VRTN: variants seen among roughly 807,000 people sequenced by gnomAD.
VRTN encodes the protein vertnin.
A neutral mutation model predicts 18.2 loss-of-function variants in VRTN; 5 were observed. The ratio of observed to expected loss-of-function variants is 0.27; its 90% confidence interval spans 0.14 to 0.58. VRTN has a LOEUF of 0.58. VRTN is among the 20% of genes least tolerant of loss of function. VRTN has a pLI of 0.91. For synonymous variants in VRTN, 381 were observed against 393.7 expected (o/e 0.97, Z 0.38); for missense variants, 741 against 939.4 (o/e 0.79, Z 2.76).
At chr14:74,304,920 C>G (rs569794779) in intron 1 of VRTN, among the ~76,000 whole-genome samples, 11 of 152,326 alleles carry the variant, frequency 7.2e-5, no homozygotes, top group Non-Finnish European at 1.3e-4. Context: ...CGTCACCTCT[C>G]TAGGGTAATC....
rs533071273 is a variant in VRTN at position 74,318,675 on chromosome 14, G to A, written c.-164+15499G>A. On this transcript the variant is annotated intron_variant, in intron 1 of 2. Transcript: ENST00000557177. ...GATCCGCCCGCCTTGGCCTCCCAAAGTGCTGGGATTACAGGCGTGAGCCAC... is the reference window on the plus strand; with the variant it reads ...GATCCGCCCGCCTTGGCCTCCCAAAATGCTGGGATTACAGGCGTGAGCCAC... Among the ~76,000 whole-genome samples the A allele has an allele frequency of 3.3e-5, 5 of 150,650 alleles. No homozygotes were observed. The East Asian group carries it at 9.9e-4, about 30-fold the overall frequency.
intron 1 of VRTN, among the ~76,000 whole-genome samples, chr14:74,328,149 A>T (rs1225861281): frequency 1.3e-5 from 2 of 152,124 alleles, no homozygotes; most frequent in Non-Finnish European, 2.9e-5. Context: ...AGTACCTCCA[A>T]CTTCCTGGGT....
intron 1 of VRTN, chr14:74,303,246 A>T (rs1039755898): frequency 3.6e-6 from 1 of 279,572 alleles, no homozygotes; most frequent in Non-Finnish European, 6.6e-6. Flanking sequence ...CATGATCTTT[A>T]AAAAAGTATA....
At chr14:74,346,506 T>A (rs1305636821), upstream of VRTN, among the ~76,000 whole-genome samples, 37 of 152,054 alleles carry the variant, frequency 2.4e-4, 1 homozygote, top group Admixed American at 2.4e-3. Flanking sequence ...TTCTACCTTG[T>A]GGACTCAAGC....
At chr14:74,320,361 C>G (rs1354002709) in intron 1 of VRTN, among the ~76,000 whole-genome samples, 1 of 142,944 alleles carries the variant, frequency 7.0e-6, no homozygotes. Context: ...CCCGGGTTCA[C>G]GCCATTCTCC....
At chr14:74,341,949 C>T (rs1242024176) in intron 2 of VRTN, among the ~76,000 whole-genome samples, 1 of 151,170 alleles carries the variant, frequency 6.6e-6, no homozygotes, top group Non-Finnish European at 1.5e-5. Flanking sequence ...TGCTGGGAAA[C>T]TGGGATTTTG....
In VRTN at chr14:74,356,948, G is replaced by C; in HGVS notation, c.165G>C (p.Val55=). 6.2e-7 allele frequency: 1 copy of C among 1,614,074 alleles called. No individual in the cohort carries two copies. The highest frequency in any genetic ancestry group is 8.5e-7 in the Non-Finnish European group (1 of 1,179,992). ...TCREGGPGLQ[V]LEVDSVALSL... ...GGGAGGGAGGCCCTGGCCTCCAGGT[G>C]CTGGAAGTGGACTCGGTGGCCCTGA... Residue 55 remains valine, a synonymous_variant, in exon 2 of 2, where the codon GTG becomes GTC. Coordinates refer to ENST00000256362, the MANE Select transcript of VRTN (RefSeq NM_018228.3).
chr14:74,334,897 A>G (rs1296847754), intron 1 of VRTN, among the ~76,000 whole-genome samples: 1 of 152,168 alleles, frequency 6.6e-6, no homozygotes, highest in Non-Finnish European at 1.5e-5. Flanking sequence ...CAGTCTTCAC[A>G]TCACCATTGA....
rs1191327811 is a variant in VRTN at position 74,357,238 on chromosome 14, C to A, written c.455C>A (p.Thr152Lys). Residue 152 changes from threonine (T) to lysine (K), a missense_variant, in exon 2 of 2, where the codon ACG becomes AAG. Around this residue, in one of 3 missense-constraint regions of VRTN, gnomAD observed 186 missense variants for 288.3 expected, o/e 0.65. Transcript: ENST00000256362. This position sits in a 1 kb window ranked among gnomAD's most constrained non-coding sequence, Gnocchi z 7.8. ...GAGATGACCAGCTTGCCCCCCGCCACGCTGGAGGCCATCTTCGATGCCGAC... is the reference window on the plus strand; with the variant it reads ...GAGATGACCAGCTTGCCCCCCGCCAAGCTGGAGGCCATCTTCGATGCCGAC... ...SPEMTSLPPA[T>K]LEAIFDADVK... 6.2e-7 allele frequency: 1 copy of A among 1,613,322 alleles called. No homozygotes were observed. Among genetic ancestry groups the A allele is most frequent in the Non-Finnish European group, 8.5e-7 (1 of 1,179,866 alleles).
At chr14:74,318,444 A>G (rs1435573546) in intron 1 of VRTN, among the ~76,000 whole-genome samples, 1 of 151,886 alleles carries the variant, frequency 6.6e-6, no homozygotes, top group East Asian at 1.9e-4. Flanking sequence ...CTATTTTTGT[A>G]TTTTTAGTGG....
intron 1 of VRTN, among the ~76,000 whole-genome samples, chr14:74,337,071 G>A (rs2085569573): frequency 6.6e-6 from 1 of 152,172 alleles, no homozygotes; most frequent in African/African-American, 2.4e-5. Flanking sequence ...TGGGCCAGGT[G>A]CAGTGGGTCA....
intron 1 of VRTN, 44 bp from the exon 2 acceptor site, chr14:74,356,739 G>T (rs750010768): frequency 6.5e-7 from 1 of 1,528,280 alleles, no homozygotes; most frequent in Non-Finnish European, 8.8e-7. Flanking sequence ...CATCATCTGG[G>T]CACTTCGACC....
intron 1 of VRTN, among the ~76,000 whole-genome samples, chr14:74,331,949 G>A (rs1483984082): frequency 6.6e-6 from 1 of 152,018 alleles, no homozygotes; most frequent in South Asian, 2.1e-4. Flanking sequence ...TCATTTTCAG[G>A]CTCACCCTAC....
chr14:74,357,645 C>T lies in VRTN; in HGVS notation c.862C>T (p.Arg288Cys), dbSNP rs200794001. 3.0e-4 allele frequency: 482 copies of T among 1,613,840 alleles called. No individual in the cohort carries two copies. The highest frequency in any genetic ancestry group is 3.1e-4 in the East Asian group (14 of 44,900). The change falls in exon 2 of 2, where the codon CGC becomes TGC. Residue 288 changes from arginine to cysteine, a missense_variant. Arg to Cys is a radical substitution (Grantham distance 180, BLOSUM62 -3). Around this residue, in one of 3 missense-constraint regions of VRTN, gnomAD observed 494 missense variants for 546.5 expected, o/e 0.90. Transcript: ENST00000256362. The surrounding 1 kb of genome is among the most constrained non-coding windows in gnomAD (Gnocchi z 7.8). ...PGLSYSHLCE[R>C]YSVTKSTFYR... ...CCTCAGCTACTCTCACCTCTGTGAGCGCTACAGCGTCACCAAAAGCACCTT... is the reference window on the plus strand; with the variant it reads ...CCTCAGCTACTCTCACCTCTGTGAGTGCTACAGCGTCACCAAAAGCACCTT...
At chr14:74,330,074 T>C (rs909378421) in intron 1 of VRTN, among the ~76,000 whole-genome samples, 8 of 150,662 alleles carry the variant, frequency 5.3e-5, no homozygotes, top group Admixed American at 1.3e-4. Context: ...GGGGTTTCGC[T>C]ATGTTGGCCA....
chr14:74,343,003 A>G (rs1020764830), intron 2 of VRTN, among the ~76,000 whole-genome samples: 1 of 152,210 alleles, frequency 6.6e-6, no homozygotes, highest in Non-Finnish European at 1.5e-5. Flanking sequence ...CAAAAAAACT[A>G]TACTGAGGGA....
In VRTN at chr14:74,357,948, T is replaced by A; in HGVS notation, c.1165T>A (p.Cys389Ser). 6.2e-7 allele frequency: 1 copy of A among 1,613,764 alleles called. No individual in the cohort carries two copies. Among genetic ancestry groups the A allele is most frequent in the Non-Finnish European group, 8.5e-7 (1 of 1,179,908 alleles). ...GCAGGTGGCTGAGGAGGAGCTGGAG[T>A]GCTCCGCACTGGCGGTGTCAAGCCC... ...EEQVAEEELE[C>S]SALAVSSPGM... Residue 389 changes from cysteine (C) to serine (S), a missense_variant, in exon 2 of 2, where the codon TGC (cysteine) becomes AGC (serine). This residue lies in a region of VRTN where 494 missense variants were observed against 546.5 expected (regional missense o/e 0.90). Coordinates refer to ENST00000256362, the MANE Select transcript of VRTN (RefSeq NM_018228.3). This position sits in a 1 kb window ranked among gnomAD's most constrained non-coding sequence, Gnocchi z 7.8.
chr14:74,312,811 T>C lies in VRTN; in HGVS notation c.-164+9635T>C, dbSNP rs1319702018. Among the ~76,000 whole-genome samples the C allele has an allele frequency of 2.1e-5, 3 of 143,888 alleles. No individual in the cohort carries two copies. In the East Asian group the frequency reaches 6.2e-4, roughly 30 times the overall value. The allele number at this position is 143,888 out of a possible 152,430, so 94.4% of individuals were successfully genotyped here. A position where few individuals can be genotyped will look rare whatever the true frequency, so the allele number is the denominator to read the frequency against. On this transcript the variant is annotated intron_variant, in intron 1 of 2. Transcript: ENST00000557177. The stretch of plus-strand genomic sequence containing the variant: ...CTCTGGCGCCCAGGCTGGAGTACAG[T>C]GGCTCACTGCAACCTTCGCCTCCCA...
At chr14:74,332,127 G>A (rs549693656) in intron 1 of VRTN, among the ~76,000 whole-genome samples, 3 of 152,108 alleles carry the variant, frequency 2.0e-5, no homozygotes, top group Admixed American at 6.6e-5. Context: ...GAGCCCCAAG[G>A]GGAGATGTTA....
Sources: gnomAD v4.1 joint callset for allele counts (sites outside exome capture counted in the v4.1 genomes callset) on GRCh38, gnomAD v4.1.1 for gene constraint, gnomAD v4.1.1 regional missense constraint, Gnocchi (gnomAD v3.1) non-coding constraint, MANE v1.5 for transcripts, NCBI Gene and HGNC (gene_info 2026-07-23, HGNC 2026-07-21) for gene names.